IGSF21: variants seen among roughly 807,000 people sequenced by gnomAD.
The protein encoded by IGSF21 is immunoglobulin superfamily member 21.
In IGSF21, 28 loss-of-function variants were observed where a neutral mutation model predicts 46.8. The ratio of observed to expected loss-of-function variants is 0.60; its 90% CI spans 0.44 to 0.82. The LOEUF (loss-of-function observed/expected upper bound fraction) is 0.82, where lower values mean the gene tolerates loss of function less well. IGSF21 is among the 40% of genes least tolerant of loss of function. The pLI, the probability that IGSF21 is intolerant of heterozygous loss-of-function variation, is 0.00. For synonymous variants in IGSF21, 284 were observed against 273.6 expected, an observed-to-expected ratio of 1.04 and a Z score of -0.38; for missense variants, 624 against 665.5, an observed-to-expected ratio of 0.94 and a Z score of 0.69.
chr1:18,158,647 C>A (rs1370113451), intron 1 of IGSF21, among the ~76,000 whole-genome samples: 1 of 152,260 alleles, frequency 6.6e-6, no homozygotes, highest in East Asian at 1.9e-4. Flanking sequence ...CTTTCAATCT[C>A]TTTTCTTCTC....
intron 1 of IGSF21, among the ~76,000 whole-genome samples, chr1:18,155,082 AT>A (rs1477990218): frequency 6.6e-6 from 1 of 151,276 alleles, no homozygotes; most frequent in East Asian, 2.0e-4. Flanking sequence ...GCCTTCCAGG[AT>A]TTTTGTAGAT....
At chr1:18,113,601 A>ACCCCCCCCCCCCCCCC (rs36119627) in intron 1 of IGSF21, 1 of 137,718 alleles carries the variant, frequency 7.3e-6, no homozygotes, top group Admixed American at 7.7e-5. Context: ...CCAACCCCGC[A>ACCCCCCCCCCCCCCCC]CCCCACCCCC....
In IGSF21 at chr1:18,294,953, G is replaced by C. The variant is rs539784875; in HGVS notation, c.305+2966G>C. On this transcript the variant is annotated intron_variant, in intron 3 of 9. Coordinates refer to ENST00000251296, the MANE Select transcript of IGSF21 (RefSeq NM_032880.5). ...TATTTACAAATTAATGCATCTCAAC[G>C]AGAGAGAGTCCCAGCTCCACAGCTG... Among the ~76,000 whole-genome samples the C allele has an allele frequency of 2.4e-4, 37 of 152,372 alleles. No homozygotes were observed. In the Middle Eastern group the frequency reaches 0.01, roughly 42 times the overall value.
chr1:18,151,228 CTG>C (rs1413412204), intron 1 of IGSF21, among the ~76,000 whole-genome samples: 1 of 152,230 alleles, frequency 6.6e-6, no homozygotes, highest in African/African-American at 2.4e-5. Context: ...ACACTAGCTG[CTG>C]TAACAAACAA....
At chr1:18,246,150 G>A (rs958029463) in intron 2 of IGSF21, among the ~76,000 whole-genome samples, 3 of 152,124 alleles carry the variant, frequency 2.0e-5, no homozygotes, top group African/African-American at 7.2e-5. Flanking sequence ...CCCAGCTCTG[G>A]GGGGTGTGAG....
intron 1 of IGSF21, among the ~76,000 whole-genome samples, chr1:18,225,100 C>CACACACACACACACACGG (rs2084552164): frequency 7.3e-6 from 1 of 137,718 alleles, no homozygotes; most frequent in Admixed American, 7.4e-5. Context: ...CACACACACA[C>CACACACACACACACACGG]ACACACACAC....
In IGSF21 at chr1:18,334,561, C is replaced by T. The variant is rs978978253; in HGVS notation, c.306-331C>T. On this transcript the variant is annotated intron_variant, in intron 3 of 9. Coordinates refer to ENST00000251296, the MANE Select transcript of IGSF21 (RefSeq NM_032880.5). This position sits in a 1 kb window ranked among gnomAD's most constrained non-coding sequence, Gnocchi z 4.3. ...TGCAGCGACATACTAAATGCCCATA[C>T]CTCTTCACCTGTGCCATCCTCACGG... Among the ~76,000 whole-genome samples the T allele has an allele frequency of 2.0e-5, 3 of 152,198 alleles. No individual in the cohort carries two copies. Among genetic ancestry groups the T allele is most frequent in the Non-Finnish European group, 4.4e-5 (3 of 68,036 alleles).
chr1:18,171,417 G>A (rs2086735478), intron 1 of IGSF21, among the ~76,000 whole-genome samples: 1 of 152,158 alleles, frequency 6.6e-6, no homozygotes, highest in Non-Finnish European at 1.5e-5. Flanking sequence ...AGTGCCTGAA[G>A]GTCCACGATT....
intron 3 of IGSF21, among the ~76,000 whole-genome samples, chr1:18,312,809 GA>G (rs1168880403): frequency 1.3e-5 from 2 of 152,220 alleles, no homozygotes; most frequent in African/African-American, 4.8e-5. Context: ...CCAGGGATTT[GA>G]ACGTGGGCAT....
chr1:18,127,197 G>T (rs1420580674), intron 1 of IGSF21, among the ~76,000 whole-genome samples: 1 of 152,104 alleles, frequency 6.6e-6, no homozygotes, highest in Non-Finnish European at 1.5e-5. Context: ...GTCAGGCAAG[G>T]GCTTTGGCCT....
intron 1 of IGSF21, among the ~76,000 whole-genome samples, chr1:18,132,295 C>A (rs1236137822): frequency 5.3e-5 from 8 of 152,166 alleles, no homozygotes; most frequent in African/African-American, 1.2e-4. Context: ...ATATCTATGA[C>A]CCATAGATTT....
At chr1:18,214,959 C>T (rs1557591095) in intron 1 of IGSF21, among the ~76,000 whole-genome samples, 1 of 152,204 alleles carries the variant, frequency 6.6e-6, no homozygotes, top group South Asian at 2.1e-4. Flanking sequence ...GCAGGATGGT[C>T]TTGATCTCTT....
intron 2 of IGSF21, among the ~76,000 whole-genome samples, chr1:18,252,513 G>GGGGCCA (rs1388824730): frequency 6.6e-6 from 1 of 152,244 alleles, no homozygotes; most frequent in Non-Finnish European, 1.5e-5. Flanking sequence ...CATCTAAGCA[G>GGGGCCA]GGGCCAGGGC....
intron 2 of IGSF21, among the ~76,000 whole-genome samples, chr1:18,252,255 T>C (rs1440621569): frequency 6.6e-6 from 1 of 152,014 alleles, no homozygotes; most frequent in Non-Finnish European, 1.5e-5. Flanking sequence ...TTTCACCGTG[T>C]TATCAGGATG....
At chr1:18,261,632 G>A (rs1338756639) in intron 2 of IGSF21, among the ~76,000 whole-genome samples, 1 of 152,230 alleles carries the variant, frequency 6.6e-6, no homozygotes, top group African/African-American at 2.4e-5. Flanking sequence ...TGCCTGTGGG[G>A]TAGCCCTGCC....
intron 1 of IGSF21, among the ~76,000 whole-genome samples, chr1:18,203,565 T>C (rs540453661): frequency 6.6e-6 from 1 of 152,352 alleles, no homozygotes; most frequent in Non-Finnish European, 1.5e-5. Context: ...CGCCTCAGCT[T>C]CCCAAAGTGC....
chr1:18,217,327 C>T (rs1257885291), intron 1 of IGSF21, among the ~76,000 whole-genome samples: 1 of 152,186 alleles, frequency 6.6e-6, no homozygotes, highest in Non-Finnish European at 1.5e-5. Context: ...ACCCATGTTG[C>T]TTTTCAGTCT....
chr1:18,215,541 C>T (rs1346539167), intron 1 of IGSF21, among the ~76,000 whole-genome samples: 1 of 152,148 alleles, frequency 6.6e-6, no homozygotes, highest in Non-Finnish European at 1.5e-5. Context: ...GACATCTAAG[C>T]TAAGACCTGA....
intron 3 of IGSF21, among the ~76,000 whole-genome samples, chr1:18,303,203 G>T (rs544787176): frequency 1.3e-5 from 2 of 152,288 alleles, no homozygotes; most frequent in African/African-American, 4.8e-5. Flanking sequence ...GGGCTGTCAG[G>T]TTATCCAAAT....
Sources: allele counts gnomAD v4.1 joint callset (sites outside exome capture counted in the v4.1 genomes callset), GRCh38; gene constraint gnomAD v4.1.1; non-coding constraint Gnocchi (gnomAD v3.1); transcripts MANE v1.5; gene names NCBI Gene and HGNC (gene_info 2026-07-23, HGNC 2026-07-21).